The following CD28 variants were observed in gnomAD, a reference collection of about 807,000 sequenced individuals.
The protein encoded by CD28 is T-cell-specific surface glycoprotein CD28.
A neutral mutation model predicts 21.4 loss-of-function variants in CD28; 8 were observed. That is an observed-to-expected ratio of 0.37 (90% CI 0.22 to 0.68). The LOEUF (loss-of-function observed/expected upper bound fraction) is 0.68, where lower values mean the gene tolerates loss of function less well. Among genes scored for constraint, CD28 ranks in the 30% least tolerant of loss-of-function variants. The probability of loss-of-function intolerance (pLI) is 0.55; values close to 1 mark genes in which losing one functional copy is unlikely to be tolerated. For missense variants in CD28, 239 were observed against 272.2 expected, an observed-to-expected ratio of 0.88 and a Z score of 0.86; for synonymous variants, 106 against 104.0, an observed-to-expected ratio of 1.02 and a Z score of -0.12.
chr2:203,733,557 G>C (rs1693952474), intron 3 of CD28, among the ~76,000 whole-genome samples: 1 of 152,092 alleles, frequency 6.6e-6, no homozygotes, highest in South Asian at 2.1e-4. Context: ...ATGTGGATAA[G>C]ATTGCCTAGG....
intron 1 of CD28, among the ~76,000 whole-genome samples, chr2:203,713,094 A>G (rs1035330744): frequency 1.4e-4 from 21 of 152,214 alleles, no homozygotes; most frequent in Non-Finnish European, 1.5e-5. Context: ...ATTAATAAAG[A>G]AATTAAACCA....
At chr2:203,721,177 A>G (rs1429485116) in intron 1 of CD28, among the ~76,000 whole-genome samples, 1 of 152,218 alleles carries the variant, frequency 6.6e-6, no homozygotes, top group Admixed American at 6.5e-5. Flanking sequence ...TTTAAAAATG[A>G]TCTATGTTGA....
chr2:203,721,368 G>C (rs766767873), intron 1 of CD28, among the ~76,000 whole-genome samples: 2 of 152,132 alleles, frequency 1.3e-5, no homozygotes, highest in Non-Finnish European at 2.9e-5. Flanking sequence ...CTAATGGAGT[G>C]AACTATGCTT....
intron 1 of CD28, among the ~76,000 whole-genome samples, chr2:203,725,296 A>C (rs1384514062): frequency 1.4e-5 from 2 of 146,498 alleles, no homozygotes; most frequent in African/African-American, 2.6e-5. Context: ...GTCTCCAGAA[A>C]AAAAAAAAAA....
intron 1 of CD28, among the ~76,000 whole-genome samples, chr2:203,709,874 G>C (rs151302357): frequency 6.6e-6 from 1 of 152,192 alleles, no homozygotes; most frequent in African/African-American, 2.4e-5. Context: ...GCAAAAAACT[G>C]TCAAAATGGC....
intron 1 of CD28, among the ~76,000 whole-genome samples, chr2:203,708,325 A>G (rs1581495954): frequency 6.6e-6 from 1 of 152,256 alleles, no homozygotes; most frequent in East Asian, 1.9e-4. Flanking sequence ...ACAGCTACCA[A>G]ATATATTCTA....
chr2:203,732,967 A>G (rs1465178343), intron 3 of CD28, among the ~76,000 whole-genome samples: 1 of 152,186 alleles, frequency 6.6e-6, no homozygotes, highest in Non-Finnish European at 1.5e-5. Context: ...TGGCCTCTCT[A>G]CCAGCTATGA....
rs1694075912 is a variant in CD28, at chr2:203,737,787, A to G, written c.*2875A>G. Reference sequence around the variant, plus strand: ...ATGCCAATTTAAAGAGACCAAGTGTATGTACATTATGTTCTACATATTCAG... The same window carrying G: ...ATGCCAATTTAAAGAGACCAAGTGTGTGTACATTATGTTCTACATATTCAG... On this transcript the variant is annotated 3_prime_UTR_variant, in exon 4 of 4. Coordinates refer to ENST00000324106, the MANE Select transcript of CD28 (RefSeq NM_006139.4). 6.6e-6 allele frequency: 1 copy of G among 152,656 alleles called. No homozygotes were observed. The highest frequency in any genetic ancestry group is 1.5e-5 in the Non-Finnish European group (1 of 68,040). The allele number at this position is 152,656 out of a possible 1,614,324, so 9.5% of individuals were successfully genotyped here.
At chr2:203,706,551 A>T, upstream of CD28, 4 of 1,567,490 alleles carry the variant, frequency 2.6e-6, no homozygotes, top group Non-Finnish European at 3.5e-6. Context: ...TGCCTTGATC[A>T]TGTGCCCTAA....
At chr2:203,722,366 C>T (rs1359320823) in intron 1 of CD28, among the ~76,000 whole-genome samples, 2 of 152,180 alleles carry the variant, frequency 1.3e-5, no homozygotes, top group East Asian at 1.9e-4. Context: ...TGTATTAAGA[C>T]AGGTCGAACT....
intron 1 of CD28, among the ~76,000 whole-genome samples, chr2:203,707,166 G>GTTTCTTTC (rs1274062026): frequency 6.6e-6 from 1 of 151,662 alleles, no homozygotes; most frequent in African/African-American, 2.4e-5. Context: ...TTTATGTATC[G>GTTTCTTTC]TTTCTTTCTT....
chr2:203,719,606 T>G (rs113655882), intron 1 of CD28, among the ~76,000 whole-genome samples: 105 of 152,294 alleles, frequency 6.9e-4, no homozygotes, highest in African/African-American at 2.2e-3. Flanking sequence ...TCACTTATGT[T>G]TCCTGTAACC....
At chr2:203,717,061 G>T (rs1347055681) in intron 1 of CD28, among the ~76,000 whole-genome samples, 1 of 152,090 alleles carries the variant, frequency 6.6e-6, no homozygotes, top group African/African-American at 2.4e-5. Context: ...TGCCCAGGCT[G>T]GTTTCCATCT....
intron 1 of CD28, among the ~76,000 whole-genome samples, chr2:203,719,452 T>G (rs534224153): frequency 6.6e-6 from 1 of 152,332 alleles, no homozygotes; most frequent in Admixed American, 6.5e-5. Context: ...ACTCCAGACA[T>G]CTGGTACCAT....
At chr2:203,722,737 C>T (rs186945919) in intron 1 of CD28, among the ~76,000 whole-genome samples, 1 of 152,180 alleles carries the variant, frequency 6.6e-6, no homozygotes, top group Non-Finnish European at 1.5e-5. Flanking sequence ...GTGAGCGATA[C>T]AGATAGTAAT....
At chr2:203,720,004 T>G (rs1471424420) in intron 1 of CD28, among the ~76,000 whole-genome samples, 1 of 152,082 alleles carries the variant, frequency 6.6e-6, no homozygotes, top group Non-Finnish European at 1.5e-5. Context: ...TTTTTTTTTG[T>G]AACCAAGCTT....
chr2:203,712,862 G>T (rs757236192), intron 1 of CD28, among the ~76,000 whole-genome samples: 1 of 152,168 alleles, frequency 6.6e-6, no homozygotes, highest in Non-Finnish European at 1.5e-5. Context: ...GTAGTGTTCT[G>T]CCTGGCTTTC....
intron 1 of CD28, among the ~76,000 whole-genome samples, chr2:203,718,025 C>G (rs983343125): frequency 6.6e-6 from 1 of 152,046 alleles, no homozygotes; most frequent in African/African-American, 2.4e-5. Flanking sequence ...GAGGCTGGGT[C>G]CATTCAAAGC....
Position 203,729,664 on chromosome 2 carries a change from A to C in CD28, c.426A>C (p.Pro142=). Residue 142 remains proline (P), a synonymous_variant, in exon 3 of 4, where the codon CCA becomes CCC. Coordinates refer to ENST00000324106, the MANE Select transcript of CD28 (RefSeq NM_006139.4). ...GTTTTTCAGGGAAACACCTTTGTCC[A>C]AGTCCCCTATTTCCCGGACCTTCTA... ...IIHVKGKHLC[P]SPLFPGPSKP... The C allele has an allele frequency of 6.2e-7, 1 of 1,613,966 alleles. No homozygotes were observed. The highest frequency in any genetic ancestry group is 8.5e-7 in the Non-Finnish European group (1 of 1,179,908).
Sources: allele counts gnomAD v4.1 joint callset (sites outside exome capture counted in the v4.1 genomes callset), GRCh38; gene constraint gnomAD v4.1.1; transcripts MANE v1.5; gene names NCBI Gene and HGNC (gene_info 2026-07-23, HGNC 2026-07-21).